DLC1: variants seen among roughly 807,000 people sequenced by gnomAD.
The protein encoded by DLC1 is DLC1 Rho GTPase activating protein.
Under a neutral mutation model 140.3 loss-of-function variants are expected in DLC1, and 54 were observed. The observed-to-expected ratio is 0.38, with a 90% CI of 0.31 to 0.48. The LOEUF is 0.48. DLC1 is among the 20% of genes least tolerant of loss of function. The probability of loss-of-function intolerance (pLI) is 0.96; values close to 1 mark genes in which losing one functional copy is unlikely to be tolerated. For synonymous variants in DLC1, 986 were observed against 728.1 expected (o/e 1.35, Z -5.70); for missense variants, 2,536 against 1,907.0 (o/e 1.33, Z -6.14).
chr8:13,552,111 G>GTGTGTATATATATATA (rs1279225632), intron 1 of DLC1, among the ~76,000 whole-genome samples: 28 of 54,526 alleles, frequency 5.1e-4, no homozygotes, highest in African/African-American at 1.9e-3. Context: ...GTCTAGAGGT[G>GTGTGTATATATATATA]TATATATATA....
At chr8:13,380,777 G>A (rs1451640469) in intron 4 of DLC1, among the ~76,000 whole-genome samples, 1 of 152,214 alleles carries the variant, frequency 6.6e-6, no homozygotes, top group African/African-American at 2.4e-5. Flanking sequence ...AAAGTAAGTA[G>A]TGAGATAGAC....
intron 4 of DLC1, among the ~76,000 whole-genome samples, chr8:13,346,803 C>G (rs939211687): frequency 6.6e-6 from 1 of 152,128 alleles, no homozygotes; most frequent in South Asian, 2.1e-4. Context: ...ATATTTCTGA[C>G]AAGGTTCTAT....
At chr8:13,350,963 A>C (rs1834631619) in intron 4 of DLC1, among the ~76,000 whole-genome samples, 1 of 152,174 alleles carries the variant, frequency 6.6e-6, no homozygotes, top group Non-Finnish European at 1.5e-5. Context: ...TCTCTGATGA[A>C]ATTCATGAAG....
chr8:13,518,391 G>C (rs1802658685), upstream of DLC1, among the ~76,000 whole-genome samples: 2 of 152,168 alleles, frequency 1.3e-5, no homozygotes, highest in South Asian at 4.1e-4. Context: ...TTAGAGGCGT[G>C]AGCCACTGTG....
chr8:13,104,701 T>C (rs1439044518), intron 7 of DLC1, among the ~76,000 whole-genome samples: 2 of 152,238 alleles, frequency 1.3e-5, no homozygotes, highest in Non-Finnish European at 2.9e-5. Context: ...ACAATGTTGA[T>C]GCAACAGAAT....
intron 2 of DLC1, among the ~76,000 whole-genome samples, chr8:13,409,321 A>G (rs1390910430): frequency 1.3e-5 from 2 of 152,146 alleles, no homozygotes; most frequent in Admixed American, 1.3e-4. Flanking sequence ...ACTCTCAATT[A>G]AGCCATACTA....
chr8:13,583,769 G>A (rs1805203527), intron 1 of DLC1: 1 of 152,194 alleles, frequency 6.6e-6, no homozygotes, highest in Non-Finnish European at 1.5e-5. Flanking sequence ...AATGTCTTTG[G>A]AGATGGAGAC....
chr8:13,276,043 A>G (rs1474648188), intron 5 of DLC1, among the ~76,000 whole-genome samples: 1 of 152,240 alleles, frequency 6.6e-6, no homozygotes, highest in Non-Finnish European at 1.5e-5. Context: ...ACCAGTAACC[A>G]GAGCGGCGTT....
intron 1 of DLC1, among the ~76,000 whole-genome samples, chr8:13,592,133 G>A (rs1805535174): frequency 6.6e-6 from 1 of 152,006 alleles, no homozygotes; most frequent in South Asian, 2.1e-4. Context: ...AAGAGAGCAA[G>A]GGGCCTGAGC....
intron 5 of DLC1, among the ~76,000 whole-genome samples, chr8:13,246,525 T>C (rs1456375683): frequency 1.3e-5 from 2 of 151,102 alleles, no homozygotes; most frequent in Non-Finnish European, 1.5e-5. Context: ...TGTGTGTGTA[T>C]GTGTGATCAT....
intron 2 of DLC1, among the ~76,000 whole-genome samples, chr8:13,479,836 A>AAGAAGAAGAAGAAGT (rs1800617423): frequency 8.3e-6 from 1 of 120,136 alleles, no homozygotes; most frequent in Admixed American, 8.2e-5. Context: ...GAAGAAGAAG[A>AAGAAGAAGAAGAAGT]AGAAGAAGAA....
At chr8:13,137,091 G>A (rs1239581707) in intron 5 of DLC1, among the ~76,000 whole-genome samples, 1 of 152,094 alleles carries the variant, frequency 6.6e-6, no homozygotes, top group Non-Finnish European at 1.5e-5. Flanking sequence ...ATAAGACCTT[G>A]GCATTACCCT....
At chr8:13,139,738 A>G (rs1358507970) in intron 5 of DLC1, among the ~76,000 whole-genome samples, 1 of 152,226 alleles carries the variant, frequency 6.6e-6, no homozygotes, top group Non-Finnish European at 1.5e-5. Context: ...CCCAACATCC[A>G]TTTGGTCTTT....
chr8:13,265,352 T>G (rs1830642083), intron 5 of DLC1, among the ~76,000 whole-genome samples: 2 of 152,064 alleles, frequency 1.3e-5, no homozygotes, highest in East Asian at 1.9e-4. Flanking sequence ...AGAAAAATAG[T>G]AGGCAATCAC....
chr8:13,392,404 A>T (rs932776173), intron 4 of DLC1, among the ~76,000 whole-genome samples: 1 of 152,218 alleles, frequency 6.6e-6, no homozygotes, highest in African/African-American at 2.4e-5. Flanking sequence ...CATAATTTCC[A>T]TGTAAATATT....
At chr8:13,538,713 A>G (rs9650363) in intron 1 of DLC1, among the ~76,000 whole-genome samples, 146,852 of 152,224 alleles carry the variant, frequency 0.96, 71,059 homozygotes, top group East Asian at 1. Flanking sequence ...ACTTAATGTC[A>G]TTATGTATCT....
chr8:13,524,086 A>G (rs1802842342), intron 1 of DLC1, among the ~76,000 whole-genome samples: 2 of 149,110 alleles, frequency 1.3e-5, no homozygotes, highest in African/African-American at 4.9e-5. Context: ...GCTAGCCACC[A>G]TCACAGTTGT....
intron 1 of DLC1, among the ~76,000 whole-genome samples, chr8:13,562,710 C>G (rs549513541): frequency 6.6e-6 from 1 of 152,130 alleles, no homozygotes; most frequent in East Asian, 1.9e-4. Context: ...TAATCTCATT[C>G]CTAAAATTCA....
At chr8:13,307,568 A>G (rs1197923191) in intron 4 of DLC1, among the ~76,000 whole-genome samples, 2 of 152,222 alleles carry the variant, frequency 1.3e-5, no homozygotes, top group Non-Finnish European at 2.9e-5. Context: ...TTTAAAATAC[A>G]TTCGCTCTTT....
Sources: allele counts gnomAD v4.1 joint callset (sites outside exome capture counted in the v4.1 genomes callset), GRCh38; gene constraint gnomAD v4.1.1; transcripts MANE v1.5; gene names NCBI Gene and HGNC (gene_info 2026-07-23, HGNC 2026-07-21).